The following GPAM variants were observed in gnomAD, a reference collection of about 807,000 sequenced individuals.
GPAM encodes the protein glycerol-3-phosphate acyltransferase, mitochondrial.
GPAM carries 56 observed loss-of-function variants against 105.0 expected under a neutral mutation model. That is an observed-to-expected ratio of 0.53 (90% CI 0.43 to 0.67). The LOEUF (loss-of-function observed/expected upper bound fraction) is 0.67. GPAM is among the 30% of genes least tolerant of loss of function. The pLI is 0.00. For synonymous variants in GPAM, 368 were observed against 354.4 expected (o/e 1.04, Z -0.43); for missense variants, 855 against 989.8 (o/e 0.86, Z 1.83).
intron 1 of GPAM, among the ~76,000 whole-genome samples, chr10:112,208,141 A>G (rs1261205548): frequency 2.0e-5 from 3 of 152,164 alleles, no homozygotes; most frequent in African/African-American, 7.2e-5. Context: ...AGCAGAGCCA[A>G]TGATCCCAAG....
Position 112,154,697 on chromosome 10 carries a change from G to A in GPAM, c.2312-10C>T, listed in dbSNP as rs1355355131. 2 of 1,594,824 alleles carry A rather than the reference G, an allele frequency of 1.3e-6. No homozygotes were observed. The highest frequency in any genetic ancestry group is 1.7e-5 in the Admixed American group (1 of 59,978). Reference sequence around the variant, plus strand: ...TATGTGGCACTCTCAGCTGAAGAGAGAGAATAAAACCCTGTCAAATGGTTA... The same window carrying A: ...TATGTGGCACTCTCAGCTGAAGAGAAAGAATAAAACCCTGTCAAATGGTTA... On this transcript the variant is annotated splice_polypyrimidine_tract_variant and intron_variant, in intron 20 of 21. Coordinates refer to ENST00000348367, the MANE Select transcript of GPAM (RefSeq NM_001244949.2).
At chr10:112,171,116 G>A (rs1847305699) in intron 9 of GPAM, among the ~76,000 whole-genome samples, 1 of 152,166 alleles carries the variant, frequency 6.6e-6, no homozygotes. Flanking sequence ...TGACCTTAGA[G>A]ATGCTTTGTC....
At chr10:112,218,548 G>T (rs1847992656), upstream of GPAM, among the ~76,000 whole-genome samples, 2 of 152,116 alleles carry the variant, frequency 1.3e-5, no homozygotes, top group Non-Finnish European at 1.5e-5. Context: ...GAGGGTTCTT[G>T]GTGCAAGAAA....
At chr10:112,181,542 T>C in intron 3 of GPAM, 141 bp downstream of exon 3, 1 of 668,432 alleles carries the variant, frequency 1.5e-6, no homozygotes, top group Non-Finnish European at 2.7e-6. Flanking sequence ...AAATTTTTTA[T>C]TAGGCTTCAT....
rs191318777 is a variant in GPAM at position 112,212,123 on chromosome 10, C to G, written n.210+3045G>C. Among the ~76,000 whole-genome samples, 26 of 152,240 alleles carry G rather than the reference C, an allele frequency of 1.7e-4. No homozygotes were observed. In the Middle Eastern group the frequency reaches 0.017, roughly 100 times the overall value. On this transcript the variant is annotated intron_variant and non_coding_transcript_variant, in intron 1 of 3. Transcript: ENST00000480130. ...TCAGTGGTCAGAAAAGATGTTAGGT[C>G]AGGGGTCCAGTCAAGGAAGAGGGGG...
upstream of GPAM, among the ~76,000 whole-genome samples, chr10:112,219,246 G>C (rs923561601): frequency 5.3e-5 from 8 of 152,216 alleles, no homozygotes; most frequent in African/African-American, 9.6e-5. Flanking sequence ...TTCCCAAAAG[G>C]GGGTAAAGCT....
At chr10:112,156,137 G>A (rs1847014540) in intron 19 of GPAM, 84 bp from the exon 20 acceptor site, 1 of 923,384 alleles carries the variant, frequency 1.1e-6, no homozygotes, top group African/African-American at 1.6e-5. Flanking sequence ...TCTCTGGAGA[G>A]CCAGTAACGT....
intron 1 of GPAM, among the ~76,000 whole-genome samples, chr10:112,193,197 G>A (rs938494787): frequency 2.0e-4 from 30 of 152,116 alleles, no homozygotes; most frequent in Admixed American, 1.7e-3. Flanking sequence ...GCAGCAACAC[G>A]AGATCACTAC....
chr10:112,153,810 C>A, intron 21 of GPAM, 144 bp from the exon 22 acceptor site: 1 of 798,652 alleles, frequency 1.3e-6, no homozygotes, highest in South Asian at 1.7e-5. Flanking sequence ...TAAATGTATG[C>A]CTGGGTGTGT....
intron 1 of GPAM, among the ~76,000 whole-genome samples, chr10:112,202,029 T>C (rs1000317620): frequency 4.6e-5 from 7 of 152,234 alleles, no homozygotes; most frequent in African/African-American, 1.7e-4. Context: ...AGAGAGCTTA[T>C]GCAACTTTCC....
In GPAM at chr10:112,152,487, A is replaced by C; in HGVS notation, c.*1063T>G. On this transcript the variant is annotated 3_prime_UTR_variant, in exon 22 of 22. Coordinates refer to ENST00000348367, the MANE Select transcript of GPAM (RefSeq NM_001244949.2). Reference sequence around the variant, plus strand: ...CAGTCAGTAGGGCCACCACATGCATATACTGGACAGGTTGTGCACGGCACA... The same window carrying C: ...CAGTCAGTAGGGCCACCACATGCATCTACTGGACAGGTTGTGCACGGCACA... 2 of 985,102 alleles carry C rather than the reference A, an allele frequency of 2.0e-6. No individual in the cohort carries two copies. The highest frequency in any genetic ancestry group is 2.4e-6 in the Non-Finnish European group (2 of 829,638). The allele number at this position is 985,102 out of a possible 1,614,324, so 61.0% of individuals were successfully genotyped here. A position where few individuals can be genotyped will look rare whatever the true frequency, so the allele number is the denominator to read the frequency against.
At chr10:112,226,301 T>G in the GPAM span, among the ~76,000 whole-genome samples, 1 of 152,112 alleles carries the variant, frequency 6.6e-6, no homozygotes, top group African/African-American at 2.4e-5. Context: ...GTTTTGCCCC[T>G]GAAAAGAAGG....
intron 19 of GPAM, chr10:112,156,392 T>C (rs73365167): frequency 0.012 from 4,147 of 337,470 alleles, 161 homozygotes; most frequent in African/African-American, 0.082. Context: ...AGGCCCTCCA[T>C]GGTTTGAAGC....
chr10:112,176,099 T>G (rs1847399229), intron 5 of GPAM, among the ~76,000 whole-genome samples: 1 of 152,246 alleles, frequency 6.6e-6, no homozygotes, highest in Non-Finnish European at 1.5e-5. Context: ...CTATGGGCTA[T>G]AAAAAGATAA....
intron 1 of GPAM, among the ~76,000 whole-genome samples, chr10:112,199,291 C>T (rs1469986832): frequency 6.6e-6 from 1 of 152,078 alleles, no homozygotes; most frequent in East Asian, 1.9e-4. Flanking sequence ...TGAAATAAGC[C>T]AGGCACAGAC....
At chr10:112,211,762 G>C (rs1416039514) in intron 1 of GPAM, among the ~76,000 whole-genome samples, 2 of 152,132 alleles carry the variant, frequency 1.3e-5, no homozygotes, top group African/African-American at 4.8e-5. Context: ...TCATGAGAAA[G>C]TATTACACCC....
intron 1 of GPAM, among the ~76,000 whole-genome samples, chr10:112,194,569 T>G (rs754080676): frequency 2.0e-5 from 3 of 152,212 alleles, no homozygotes; most frequent in African/African-American, 4.8e-5. Context: ...TGGAATGATA[T>G]GAAAATAAAG....
In GPAM at chr10:112,175,724, G is replaced by A. The variant is rs757324256; in HGVS notation, c.300-11C>T. On this transcript the variant is annotated splice_polypyrimidine_tract_variant and intron_variant, in intron 5 of 21. Coordinates refer to ENST00000348367, the MANE Select transcript of GPAM (RefSeq NM_001244949.2). Reference sequence around the variant, plus strand: ...AGCCATCCGCGGTGTCTGTGAAAATGATTTAGCAGAGAAGTATTAGAGGTA... The same window carrying A: ...AGCCATCCGCGGTGTCTGTGAAAATAATTTAGCAGAGAAGTATTAGAGGTA... 1.9e-5 allele frequency: 29 copies of A among 1,531,186 alleles called. No individual in the cohort carries two copies. Among genetic ancestry groups the A allele is most frequent in the Non-Finnish European group, 2.6e-5 (29 of 1,104,594 alleles). The allele number at this position is 1,531,186 out of a possible 1,614,324, so 94.8% of individuals were successfully genotyped here.
At chr10:112,171,805 G>A (rs1460240526) in intron 9 of GPAM, among the ~76,000 whole-genome samples, 4 of 152,206 alleles carry the variant, frequency 2.6e-5, no homozygotes, top group Non-Finnish European at 4.4e-5. Flanking sequence ...AGGTATGGTT[G>A]TCTTTATATC....
Sources: allele counts gnomAD v4.1 joint callset (sites outside exome capture counted in the v4.1 genomes callset), GRCh38; gene constraint gnomAD v4.1.1; transcripts MANE v1.5; gene names NCBI Gene and HGNC (gene_info 2026-07-23, HGNC 2026-07-21).